Variants in MARK2 observed in about 807,000 individuals in gnomAD.
MARK2 encodes microtubule affinity regulating kinase 2.
In MARK2, 16 loss-of-function variants were observed where a neutral mutation model predicts 89.8. The observed-to-expected ratio is 0.18, with a 90% confidence interval of 0.12 to 0.27. The LOEUF is 0.27. Ranked by LOEUF, MARK2 falls within the 10% of genes least tolerant of loss-of-function variation. The pLI is 1.00. For missense variants in MARK2, 621 were observed against 1,049.9 expected, an observed-to-expected ratio of 0.59 and a Z score of 5.65; for synonymous variants, 382 against 399.5, an observed-to-expected ratio of 0.96 and a Z score of 0.52.
intron 1 of MARK2, among the ~76,000 whole-genome samples, chr11:63,858,668 A>G (rs1048757237): frequency 6.6e-6 from 1 of 152,214 alleles, no homozygotes; most frequent in African/African-American, 2.4e-5. Context: ...TAATTTTAAT[A>G]CAATAAATAT....
chr11:63,839,396 C>T lies in MARK2; in HGVS notation c.-111C>T. 1.6e-6 allele frequency: 1 copy of T among 643,292 alleles called. No homozygotes were observed. The allele number at this position is 643,292 out of a possible 1,614,324, so 39.8% of individuals were successfully genotyped here. On this transcript the variant is annotated 5_prime_UTR_variant, in exon 1 of 19. Coordinates refer to ENST00000402010, the MANE Select transcript of MARK2 (RefSeq NM_001039469.3). ...GCCTCCCCGCACCCCCGGCCGGGGCCCATGCGGCGGGTGCTCCTGCTGTGA... is the reference window on the plus strand; with the variant it reads ...GCCTCCCCGCACCCCCGGCCGGGGCTCATGCGGCGGGTGCTCCTGCTGTGA...
intron 1 of MARK2, among the ~76,000 whole-genome samples, chr11:63,875,366 AC>A (rs1337183612): frequency 6.6e-6 from 1 of 151,062 alleles, no homozygotes; most frequent in East Asian, 2.0e-4. Context: ...TGATCCGCCC[AC>A]CTCAGCCTCC....
chr11:63,851,523 G>A (rs1430858561), intron 1 of MARK2, among the ~76,000 whole-genome samples: 1 of 150,264 alleles, frequency 6.7e-6, no homozygotes. Context: ...CTTTTTTTCT[G>A]TTTGGTTTCT....
At chr11:63,865,247 T>G (rs1158195576) in intron 1 of MARK2, among the ~76,000 whole-genome samples, 1 of 151,542 alleles carries the variant, frequency 6.6e-6, no homozygotes, top group African/African-American at 2.4e-5. Flanking sequence ...TCTTTGGTGT[T>G]TGTTTGTTTG....
chr11:63,876,566 C>T (rs939652106), intron 1 of MARK2, among the ~76,000 whole-genome samples: 1 of 152,194 alleles, frequency 6.6e-6, no homozygotes, highest in African/African-American at 2.4e-5. Context: ...TAGCCGTGGC[C>T]TCTGGCCACC....
At chr11:63,883,747 G>A (rs945928900) in intron 1 of MARK2, among the ~76,000 whole-genome samples, 5 of 151,930 alleles carry the variant, frequency 3.3e-5, no homozygotes, top group Admixed American at 2.0e-4. Context: ...ACCACACCCC[G>A]GCTAATTTTT....
intron 1 of MARK2, among the ~76,000 whole-genome samples, chr11:63,871,529 G>A (rs1938452858): frequency 6.6e-6 from 1 of 150,996 alleles, no homozygotes; most frequent in Non-Finnish European, 1.5e-5. Context: ...AGTATTCACT[G>A]TGTGCAGGTG....
chr11:63,845,525 G>GTGTT, intron 1 of MARK2, among the ~76,000 whole-genome samples: 1 of 152,162 alleles, frequency 6.6e-6, no homozygotes, highest in Non-Finnish European at 1.5e-5. Context: ...AGTCACTGAA[G>GTGTT]TGTTGTCTAT....
At chr11:63,860,198 A>G (rs1937668277) in intron 1 of MARK2, among the ~76,000 whole-genome samples, 1 of 152,154 alleles carries the variant, frequency 6.6e-6, no homozygotes, top group African/African-American at 2.4e-5. Context: ...CCTAAGTCCT[A>G]CAAATAATAG....
intron 1 of MARK2, among the ~76,000 whole-genome samples, chr11:63,883,821 A>G (rs1359131378): frequency 6.6e-6 from 1 of 152,108 alleles, no homozygotes; most frequent in Non-Finnish European, 1.5e-5. Flanking sequence ...TCCTAGGCTC[A>G]AGGGATCTGC....
intron 6 of MARK2, 80 bp downstream of exon 6, chr11:63,898,913 G>A: frequency 4.4e-6 from 6 of 1,373,752 alleles, no homozygotes; most frequent in Non-Finnish European, 6.2e-6. Flanking sequence ...CTGCCTGTCT[G>A]TAAGTGGCCC....
In MARK2 at chr11:63,909,363, T is replaced by G; in HGVS notation, c.*126T>G. On this transcript the variant is annotated 3_prime_UTR_variant, in exon 19 of 19. Coordinates refer to ENST00000402010, the MANE Select transcript of MARK2 (RefSeq NM_001039469.3). ...GTCTCCCCTGCTGGCACTTCTCCCC[T>G]CCCTGGCCCTTCTCAGTTTTCTCTT... The G allele has an allele frequency of 1.0e-6, 1 of 991,320 alleles. No individual in the cohort carries two copies. The highest frequency in any genetic ancestry group is 1.9e-5 in the South Asian group (1 of 53,444). The allele number at this position is 991,320 out of a possible 1,614,324, so 61.4% of individuals were successfully genotyped here.
chr11:63,860,719 A>G (rs947003631), intron 1 of MARK2, among the ~76,000 whole-genome samples: 3 of 151,114 alleles, frequency 2.0e-5, no homozygotes, highest in East Asian at 3.9e-4. Flanking sequence ...TTAGCTGGGT[A>G]TGGTGGCGCG....
At chr11:63,883,947 G>A (rs989933932) in intron 1 of MARK2, among the ~76,000 whole-genome samples, 8 of 152,200 alleles carry the variant, frequency 5.3e-5, no homozygotes, top group Middle Eastern at 3.2e-3. Flanking sequence ...GTATCTTTAT[G>A]TCCCAAATGA....
intron 1 of MARK2, chr11:63,889,059 C>G (rs1939609405): frequency 1.1e-6 from 1 of 921,226 alleles, no homozygotes; most frequent in African/African-American, 1.7e-5. Flanking sequence ...TAAGGGGCGC[C>G]CTGCCTGAGT....
At chr11:63,895,380 T>G in intron 2 of MARK2, 42 bp downstream of exon 2, 1 of 1,589,700 alleles carries the variant, frequency 6.3e-7, no homozygotes, top group Non-Finnish European at 8.6e-7. Context: ...CTCCCAGCCC[T>G]GTTGACACTC....
intron 1 of MARK2, among the ~76,000 whole-genome samples, chr11:63,853,692 G>A (rs1050621984): frequency 3.3e-5 from 5 of 152,140 alleles, no homozygotes; most frequent in East Asian, 1.9e-4. Flanking sequence ...TGCTGACGCC[G>A]TAACATGGAT....
At chr11:63,848,798 T>G (rs1421300302) in intron 1 of MARK2, among the ~76,000 whole-genome samples, 1 of 151,866 alleles carries the variant, frequency 6.6e-6, no homozygotes, top group Non-Finnish European at 1.5e-5. Flanking sequence ...CCTGACCTCA[T>G]GATCCACCCA....
intron 1 of MARK2, among the ~76,000 whole-genome samples, chr11:63,854,378 G>GTTTTT: frequency 9.2e-6 from 1 of 108,806 alleles, no homozygotes; most frequent in Non-Finnish European, 1.9e-5. Flanking sequence ...TTTTCTATTT[G>GTTTTT]TTTTTTTTTT....
Sources: allele counts gnomAD v4.1 joint callset (sites outside exome capture counted in the v4.1 genomes callset), GRCh38; gene constraint gnomAD v4.1.1; transcripts MANE v1.5; gene names NCBI Gene and HGNC (gene_info 2026-07-23, HGNC 2026-07-21).